Variants in GRK3 observed in about 807,000 individuals in gnomAD.
The protein encoded by GRK3 is adrenergic, beta, receptor kinase 2.
GRK3 carries 54 observed loss-of-function variants against 95.7 expected under a neutral mutation model. That is an observed-to-expected ratio of 0.56 (90% confidence interval 0.45 to 0.71). The LOEUF (loss-of-function observed/expected upper bound fraction) is 0.71. GRK3 is among the 30% of genes least tolerant of loss of function. The probability of loss-of-function intolerance (pLI) is 0.00; values close to 1 mark genes in which losing one functional copy is unlikely to be tolerated. For missense variants in GRK3, 649 were observed against 851.2 expected (o/e 0.76, Z 2.96); for synonymous variants, 281 against 290.8 (o/e 0.97, Z 0.34).
intron 2 of GRK3, among the ~76,000 whole-genome samples, chr22:25,615,407 G>A (rs1441686978): frequency 1.3e-5 from 2 of 152,080 alleles, no homozygotes; most frequent in African/African-American, 4.8e-5. Context: ...AATTCAAGGT[G>A]GTGCTGCATT....
In GRK3 at chr22:25,661,598, A is replaced by G. The variant is rs1426587283; in HGVS notation, c.287A>G (p.Asp96Gly). The G allele has an allele frequency of 1.2e-6, 2 of 1,612,238 alleles. No homozygotes were observed. The highest frequency in any genetic ancestry group is 1.3e-5 in the African/African-American group (1 of 75,010). ...TAGATAAAGGAATATGAAAAACTTG[A>G]TAATGAGGAAGACCGCCTTTGCAGA... is the stretch of plus-strand genomic sequence containing the variant. The part of the protein sequence containing the change: ...YEEIKEYEKL[D>G]NEEDRLCRSR... The change falls in exon 4 of 21, where the codon GAT (aspartate) becomes GGT (glycine). Residue 96 changes from aspartate to glycine, a missense_variant. Asp to Gly is a moderately conservative substitution (Grantham distance 94). Coordinates refer to ENST00000324198, the MANE Select transcript of GRK3 (RefSeq NM_005160.4).
chr22:25,717,821 C>G (rs2085398714), intron 18 of GRK3, among the ~76,000 whole-genome samples: 1 of 152,082 alleles, frequency 6.6e-6, no homozygotes, highest in Non-Finnish European at 1.5e-5. Flanking sequence ...AAAATTCCCA[C>G]TATTATTATT....
rs117884758 is a variant in GRK3 at position 25,578,920 on chromosome 22, A to G, written c.113+13767A>G. ...TTTATTATGGCTGCAATAACAAACT[A>G]ATAACAAAGCATGAGTTTGTGGATA... On this transcript the variant is annotated intron_variant, in intron 1 of 20. Transcript: ENST00000324198. 3.8e-3 allele frequency among the ~76,000 whole-genome samples: 577 copies of G among 152,240 alleles called. 4 individuals are homozygous for G. Among genetic ancestry groups the G allele is most frequent in the Non-Finnish European group, 6.1e-3 (413 of 68,024 alleles).
intron 11 of GRK3, among the ~76,000 whole-genome samples, chr22:25,688,981 G>C (rs909831923): frequency 3.3e-5 from 5 of 152,194 alleles, no homozygotes; most frequent in African/African-American, 9.7e-5. Context: ...GAAATGTACA[G>C]ATTATGTTCC....
chr22:25,624,003 T>G (rs1397559494), intron 2 of GRK3, among the ~76,000 whole-genome samples: 1 of 152,234 alleles, frequency 6.6e-6, no homozygotes. Context: ...TCCGGCAGTC[T>G]GAAAACATAG....
In GRK3 at chr22:25,722,524, C is replaced by A; in HGVS notation, c.*74C>A. On this transcript the variant is annotated 3_prime_UTR_variant, in exon 21 of 21. Transcript: ENST00000324198. Reference sequence around the variant, plus strand: ...CCTTTTGGGGTGAACGAGGATGAGGCATCTGATCTATTCGCTACCGGGACT... The same window carrying A: ...CCTTTTGGGGTGAACGAGGATGAGGAATCTGATCTATTCGCTACCGGGACT... The A allele has an allele frequency of 1.3e-6, 2 of 1,519,248 alleles. No individual in the cohort carries two copies. The highest frequency in any genetic ancestry group is 1.2e-5 in the South Asian group (1 of 85,090). The allele number at this position is 1,519,248 out of a possible 1,614,324, so 94.1% of individuals were successfully genotyped here. A position where few individuals can be genotyped will look rare whatever the true frequency, so the allele number is the denominator to read the frequency against.
At position 25,714,411 on chromosome 22, in the gene GRK3, C is replaced by T. The variant is rs936734167; in HGVS notation, c.1495C>T (p.Leu499Phe). Reference sequence around the variant, plus strand: ...CTTGATTTCTTAAAATAATCAGCTACTTGATTGCGACCAAGAACTCTACAA... The same window carrying T: ...CTTGATTTCTTAAAATAATCAGCTATTTGATTGCGACCAAGAACTCTACAA... Reference protein sequence around the residue: ...DEEDTKGIKLLDCDQELYKNF... With the variant: ...DEEDTKGIKLFDCDQELYKNF... The change falls in exon 18 of 21, where the codon CTT (leucine) becomes TTT (phenylalanine). Residue 499 changes from leucine to phenylalanine, a missense_variant. Leu to Phe is a conservative substitution (Grantham distance 22). Transcript: ENST00000324198. 1 of 1,597,556 alleles carries T rather than the reference C, an allele frequency of 6.3e-7. No individual in the cohort carries two copies. The highest frequency in any genetic ancestry group is 8.5e-7 in the Non-Finnish European group (1 of 1,175,280).
intron 13 of GRK3, among the ~76,000 whole-genome samples, chr22:25,699,547 G>C (rs999097265): frequency 6.6e-6 from 1 of 152,160 alleles, no homozygotes; most frequent in Non-Finnish European, 1.5e-5. Flanking sequence ...CCCCAACAAA[G>C]AATCCTTTAG....
chr22:25,661,949 G>A (rs2084912241), intron 4 of GRK3, among the ~76,000 whole-genome samples: 1 of 152,052 alleles, frequency 6.6e-6, no homozygotes. Context: ...TGAAGAAAAA[G>A]TCTCAATTCA....
intron 13 of GRK3, among the ~76,000 whole-genome samples, chr22:25,699,716 T>G (rs2085242222): frequency 6.7e-6 from 1 of 149,970 alleles, no homozygotes; most frequent in African/African-American, 2.4e-5. Flanking sequence ...TTTTTTTTTT[T>G]GAGACGAAGT....
At chr22:25,703,866 G>A (rs1365882161) in intron 14 of GRK3, among the ~76,000 whole-genome samples, 1 of 152,132 alleles carries the variant, frequency 6.6e-6, no homozygotes, top group African/African-American at 2.4e-5. Flanking sequence ...TCAAAGAAAA[G>A]GAGAAATTAC....
At chr22:25,574,267 T>C (rs1931808957) in intron 1 of GRK3, among the ~76,000 whole-genome samples, 1 of 152,108 alleles carries the variant, frequency 6.6e-6, no homozygotes, top group South Asian at 2.1e-4. Context: ...GGAGGATTGC[T>C]TGAGCTCAGG....
intron 2 of GRK3, among the ~76,000 whole-genome samples, chr22:25,605,134 T>C (rs16980035): frequency 0.023 from 3,467 of 152,336 alleles, 61 homozygotes; most frequent in Middle Eastern, 0.068. Flanking sequence ...TTACGAAAAT[T>C]AGCCTGTCTG....
intron 3 of GRK3, among the ~76,000 whole-genome samples, chr22:25,655,007 A>G (rs1230926740): frequency 2.0e-5 from 3 of 152,144 alleles, no homozygotes; most frequent in Non-Finnish European, 2.9e-5. Context: ...CTCTAAGTCA[A>G]TGCAGCCTTT....
intron 8 of GRK3, among the ~76,000 whole-genome samples, chr22:25,677,066 T>G (rs1368981910): frequency 6.6e-6 from 1 of 151,704 alleles, no homozygotes; most frequent in African/African-American, 2.4e-5. Context: ...AATCTAAAGG[T>G]TTTATTAAAA....
At chr22:25,605,032 G>A (rs373996419) in intron 2 of GRK3, among the ~76,000 whole-genome samples, 3 of 152,156 alleles carry the variant, frequency 2.0e-5, no homozygotes, top group Non-Finnish European at 2.9e-5. Flanking sequence ...TCTTTACTCC[G>A]ATAATAAAAT....
intron 4 of GRK3, 70 bp from the exon 5 acceptor site, chr22:25,663,560 G>T: frequency 3.2e-6 from 3 of 942,776 alleles, no homozygotes; most frequent in South Asian, 3.2e-5. Flanking sequence ...TTTATCTGTT[G>T]TGATATTATA....
chr22:25,665,662 A>G (rs1213971365), intron 5 of GRK3, among the ~76,000 whole-genome samples: 5 of 152,208 alleles, frequency 3.3e-5, no homozygotes, highest in Non-Finnish European at 7.4e-5. Context: ...GTTTATTAAA[A>G]TAAGGAGTAT....
At chr22:25,706,764 C>T (rs950626791) in intron 15 of GRK3, among the ~76,000 whole-genome samples, 3 of 152,158 alleles carry the variant, frequency 2.0e-5, no homozygotes, top group Non-Finnish European at 4.4e-5. Context: ...CTCAAGTGAT[C>T]TATGTGCCTT....
Sources: gnomAD v4.1 joint callset for allele counts (sites outside exome capture counted in the v4.1 genomes callset) on GRCh38, gnomAD v4.1.1 for gene constraint, MANE v1.5 for transcripts, NCBI Gene and HGNC (gene_info 2026-07-23, HGNC 2026-07-21) for gene names.